PDE11A: variants seen among roughly 807,000 people sequenced by gnomAD.
PDE11A encodes the protein phosphodiesterase 11A, also known as dual 3',5'-cyclic-AMP and -GMP phosphodiesterase 11A.
PDE11A carries 100 observed loss-of-function variants against 100.5 expected under a neutral mutation model. The observed-to-expected ratio is 1.00, with a 90% CI of 0.85 to 1.18. The LOEUF (loss-of-function observed/expected upper bound fraction) is 1.18, where lower values mean the gene tolerates loss of function less well. PDE11A is among the 50% of genes most tolerant of loss of function. The pLI, the probability that PDE11A is intolerant of heterozygous loss-of-function variation, is 0.00. For synonymous variants in PDE11A, 381 were observed against 420.8 expected (o/e 0.91, Z 1.16); for missense variants, 1,141 against 1,152.6 (o/e 0.99, Z 0.15).
At chr2:177,737,590 CAA>C (rs10654194) in intron 10 of PDE11A, among the ~76,000 whole-genome samples, 1 of 144,670 alleles carries the variant, frequency 6.9e-6, no homozygotes. Flanking sequence ...GACTCTGTCT[CAA>C]AAAAAAAAAG....
chr2:177,650,056 T>A (rs2080285668), intron 19 of PDE11A, among the ~76,000 whole-genome samples: 1 of 152,194 alleles, frequency 6.6e-6, no homozygotes, highest in Admixed American at 6.5e-5. Context: ...ATAATTTTAA[T>A]ACCTTAATGT....
chr2:177,626,526 AC>A lies in PDE11A; in HGVS notation c.*2880del, dbSNP rs1267758160. On this transcript the variant is annotated 3_prime_UTR_variant, in exon 20 of 20. Coordinates refer to ENST00000286063, the MANE Select transcript of PDE11A (RefSeq NM_016953.4). ...CAGACCAGACTCTGTCCCTGACTCC[AC>A]CCACCCTTTGTTCCCCACCTGAAGG... 3.9e-5 allele frequency: 6 copies of A among 152,692 alleles called. No individual in the cohort carries two copies. The highest frequency in any genetic ancestry group is 9.6e-5 in the African/African-American group (4 of 41,530). 9.5% of individuals were successfully genotyped at this position (152,692 alleles called of 1,614,324 possible). A position where few individuals can be genotyped will look rare whatever the true frequency, so the allele number is the denominator to read the frequency against.
intron 12 of PDE11A, among the ~76,000 whole-genome samples, chr2:177,713,458 C>A (rs1048483507): frequency 6.6e-6 from 1 of 152,014 alleles, no homozygotes; most frequent in Non-Finnish European, 1.5e-5. Context: ...GGCACGGTGG[C>A]TCAAAATTGT....
At chr2:177,781,457 T>C (rs1484906862) in intron 9 of PDE11A, among the ~76,000 whole-genome samples, 1 of 152,150 alleles carries the variant, frequency 6.6e-6, no homozygotes, top group Non-Finnish European at 1.5e-5. Context: ...TGCGGTCAAT[T>C]TGAGACCTTG....
chr2:177,789,210 C>A (rs1156665325), intron 9 of PDE11A, among the ~76,000 whole-genome samples: 4 of 152,122 alleles, frequency 2.6e-5, no homozygotes, highest in African/African-American at 7.2e-5. Context: ...GGGCTTCATC[C>A]CTGGGATGCA....
intron 2 of PDE11A, chr2:177,922,006 T>C (rs2085056543): frequency 6.6e-6 from 1 of 152,234 alleles, no homozygotes; most frequent in African/African-American, 2.4e-5. Context: ...TAAAATATCT[T>C]ACTTTTGTTA....
intron 9 of PDE11A, among the ~76,000 whole-genome samples, chr2:177,805,141 A>G (rs1169102307): frequency 2.6e-5 from 4 of 151,604 alleles, no homozygotes; most frequent in Non-Finnish European, 4.4e-5. Context: ...CCTAAAACAA[A>G]ATGACCCAGA....
chr2:177,789,289 A>G (rs1381588953), intron 9 of PDE11A, among the ~76,000 whole-genome samples: 2 of 152,146 alleles, frequency 1.3e-5, no homozygotes, highest in Admixed American at 6.5e-5. Flanking sequence ...GACAAAAACC[A>G]CATGATTATC....
At chr2:177,929,037 A>G (rs760952754) in intron 2 of PDE11A, among the ~76,000 whole-genome samples, 75 of 152,184 alleles carry the variant, frequency 4.9e-4, no homozygotes, top group Non-Finnish European at 9.4e-4. Context: ...TTTTTCTTCA[A>G]AAGACTTGCT....
chr2:177,919,459 A>G (rs1258845777), intron 2 of PDE11A, among the ~76,000 whole-genome samples: 1 of 152,188 alleles, frequency 6.6e-6, no homozygotes, highest in Non-Finnish European at 1.5e-5. Flanking sequence ...AATATTGAAA[A>G]ATGGAACATG....
chr2:177,673,960 C>T (rs1344098704), intron 17 of PDE11A, among the ~76,000 whole-genome samples: 4 of 152,134 alleles, frequency 2.6e-5, no homozygotes, highest in East Asian at 1.9e-4. Context: ...GACAAAGTGG[C>T]GCCTGCCAAC....
intron 12 of PDE11A, 40 bp downstream of exon 12, chr2:177,727,618 G>T: frequency 8.7e-7 from 1 of 1,155,798 alleles, no homozygotes; most frequent in Non-Finnish European, 1.3e-6. Context: ...CAGTTCCTAC[G>T]AATGAGAAAT....
intron 5 of PDE11A, among the ~76,000 whole-genome samples, chr2:177,871,802 A>C (rs1340834582): frequency 2.0e-5 from 3 of 151,954 alleles, no homozygotes; most frequent in Admixed American, 2.0e-4. Context: ...CAAGGATTAC[A>C]GTGAACTATG....
chr2:177,633,107 T>C (rs1534305), intron 19 of PDE11A, among the ~76,000 whole-genome samples: 131,666 of 152,316 alleles, frequency 0.86, 57,060 homozygotes, highest in East Asian at 0.98. Context: ...TGCTTTGGGT[T>C]AGTTAGCTAT....
intron 5 of PDE11A, among the ~76,000 whole-genome samples, chr2:177,863,093 T>A (rs1456912333): frequency 6.6e-6 from 1 of 151,916 alleles, no homozygotes; most frequent in Non-Finnish European, 1.5e-5. Flanking sequence ...AATAATGGTC[T>A]CTTAAATTAA....
chr2:177,869,245 C>CATCATCACAA (rs2084083280), intron 5 of PDE11A, among the ~76,000 whole-genome samples: 1 of 152,360 alleles, frequency 6.6e-6, no homozygotes, highest in East Asian at 1.9e-4. Context: ...ACAAGTTCAT[C>CATCATCACAA]ATGACGTGCT....
chr2:177,850,026 A>T (rs1388791310), intron 5 of PDE11A, among the ~76,000 whole-genome samples: 1 of 152,214 alleles, frequency 6.6e-6, no homozygotes, highest in Non-Finnish European at 1.5e-5. Context: ...CAGAATTGGA[A>T]AAAACTACTT....
intron 10 of PDE11A, among the ~76,000 whole-genome samples, chr2:177,755,881 T>C (rs1417917854): frequency 6.6e-6 from 1 of 152,250 alleles, no homozygotes; most frequent in Non-Finnish European, 1.5e-5. Context: ...AGGGGCCACC[T>C]GGGTGCTTAG....
intron 2 of PDE11A, among the ~76,000 whole-genome samples, chr2:177,954,118 C>T (rs1236070939): frequency 6.6e-6 from 1 of 151,666 alleles, no homozygotes; most frequent in Admixed American, 6.6e-5. Context: ...CTGAATCCTA[C>T]AGATTCTTAT....
Sources: gnomAD v4.1 joint callset for allele counts (sites outside exome capture counted in the v4.1 genomes callset) on GRCh38, gnomAD v4.1.1 for gene constraint, MANE v1.5 for transcripts, NCBI Gene and HGNC (gene_info 2026-07-23, HGNC 2026-07-21) for gene names.